Variants in PAPOLG observed in about 807,000 individuals in gnomAD.
PAPOLG encodes poly(A) polymerase gamma.
Under a neutral mutation model 99.0 loss-of-function variants are expected in PAPOLG, and 40 were observed. The observed-to-expected ratio is 0.40, with a 90% CI of 0.31 to 0.53. The LOEUF (loss-of-function observed/expected upper bound fraction) is 0.53. PAPOLG is among the 20% of genes least tolerant of loss of function. The pLI, the probability that PAPOLG is intolerant of heterozygous loss-of-function variation, is 0.41. For missense variants in PAPOLG, 675 were observed against 884.1 expected, an observed-to-expected ratio of 0.76 and a Z score of 3.00; for synonymous variants, 310 against 299.3, an observed-to-expected ratio of 1.04 and a Z score of -0.37.
intron 8 of PAPOLG, among the ~76,000 whole-genome samples, chr2:60,777,853 C>T (rs912079966): frequency 2.0e-5 from 3 of 152,076 alleles, no homozygotes. Flanking sequence ...CCAAGTTCAC[C>T]GTCTTATATG....
At chr2:60,774,197 C>CGATTCTCCTGCCTCAGCCCTT (rs1670943278) in intron 7 of PAPOLG, among the ~76,000 whole-genome samples, 1 of 151,766 alleles carries the variant, frequency 6.6e-6, no homozygotes, top group African/African-American at 2.4e-5. Flanking sequence ...CGGGTTCACG[C>CGATTCTCCTGCCTCAGCCCTT]TGTTGCCCCA....
intron 21 of PAPOLG, 149 bp from the exon 22 acceptor site, chr2:60,796,913 G>A (rs13398594): frequency 0.2 from 192,108 of 955,706 alleles, 20,936 homozygotes; most frequent in African/African-American, 0.3. Context: ...TATGAACACG[G>A]AAGGAAATAT....
chr2:60,793,134 G>C (rs987705751), intron 17 of PAPOLG, among the ~76,000 whole-genome samples: 2 of 150,628 alleles, frequency 1.3e-5, no homozygotes, highest in East Asian at 3.9e-4. Flanking sequence ...GAGCCCGGAA[G>C]GTTGAGGCTG....
intron 18 of PAPOLG, 65 bp from the exon 19 acceptor site, chr2:60,793,906 C>T (rs1671617012): frequency 6.6e-7 from 1 of 1,514,948 alleles, no homozygotes; most frequent in Admixed American, 1.8e-5. Context: ...AATGAGAGAC[C>T]CTGTCTCAAG....
Position 60,797,274 on chromosome 2 carries a change from CT to C in PAPOLG, c.*116del. 7.5e-7 allele frequency: 1 copy of C among 1,332,522 alleles called. No individual in the cohort carries two copies. Among genetic ancestry groups the C allele is most frequent in the Non-Finnish European group, 1.1e-6 (1 of 951,144 alleles). The allele number at this position is 1,332,522 out of a possible 1,614,324, so 82.5% of individuals were successfully genotyped here. On this transcript the variant is annotated 3_prime_UTR_variant, in exon 22 of 22. Transcript: ENST00000238714. The stretch of plus-strand genomic sequence containing the variant: ...CGTGAAATAAGGTGAAAGTGACAGC[CT>C]TCAGTCTAATAACCTTGAAGTGGTT...
intron 3 of PAPOLG, among the ~76,000 whole-genome samples, chr2:60,764,614 C>T (rs1158659083): frequency 7.9e-5 from 12 of 151,476 alleles, no homozygotes; most frequent in African/African-American, 1.9e-4. Context: ...TTGATAGAGA[C>T]GGGGTTTTGC....
At position 60,782,678 on chromosome 2, in the gene PAPOLG, T is replaced by TTTTTTTTA. The variant is rs67779326; in HGVS notation, c.1028-8_1028-7insTTTTTTTA. The TTTTTTTTA allele has an allele frequency of 2.2e-5, 30 of 1,386,270 alleles. No individual in the cohort carries two copies. The highest frequency in any genetic ancestry group is 7.3e-5 in the South Asian group (5 of 68,254). The allele number at this position is 1,386,270 out of a possible 1,614,324, so 85.9% of individuals were successfully genotyped here. On this transcript the variant is annotated splice_polypyrimidine_tract_variant and splice_region_variant and intron_variant, in intron 11 of 21. Transcript: ENST00000238714. The stretch of plus-strand genomic sequence containing the variant: ...CTTTTTTTTTTTTTTTTTTTTTTTT[T>TTTTTTTTA]AATTTAGGTCTTGCAGTCACAGATG...
intron 7 of PAPOLG, among the ~76,000 whole-genome samples, chr2:60,774,190 GT>G (rs908603632): frequency 6.6e-6 from 1 of 151,918 alleles, no homozygotes; most frequent in African/African-American, 2.4e-5. Flanking sequence ...CGCCTCCCGG[GT>G]TCACGCTGTT....
rs1245874282 is a variant in PAPOLG, at chr2:60,799,613, G to GTTTTGTT, written c.*2456_*2462dup. On this transcript the variant is annotated 3_prime_UTR_variant, in exon 22 of 22. Coordinates refer to ENST00000238714, the MANE Select transcript of PAPOLG (RefSeq NM_022894.4). ...GGCACTAAGTACATGTGTTTGTTTT[G>GTTTTGTT]TTTTGTTTTGTTTTGTTTTGTTTTG... 1 of 151,642 alleles carries GTTTTGTT rather than the reference G, an allele frequency of 6.6e-6. No homozygotes were observed. Among genetic ancestry groups the GTTTTGTT allele is most frequent in the Non-Finnish European group, 1.5e-5 (1 of 68,150 alleles). 9.4% of individuals were successfully genotyped at this position (151,642 alleles called of 1,614,324 possible).
rs754677462 is a variant in PAPOLG, at chr2:60,770,438, A to G, written c.439-20A>G. The G allele has an allele frequency of 3.2e-6, 5 of 1,584,076 alleles. No homozygotes were observed. Among genetic ancestry groups the G allele is most frequent in the Non-Finnish European group, 4.3e-6 (5 of 1,164,832 alleles). ...GAAGGGATTACACCTATGTGTTATA[A>G]TTGTTTTCCTTTTTTGTAGGCTGTA... On this transcript the variant is annotated intron_variant, in intron 5 of 21. Transcript: ENST00000238714.
intron 18 of PAPOLG, 60 bp from the exon 19 acceptor site, chr2:60,793,911 C>T (rs1050710791): frequency 3.1e-5 from 48 of 1,534,686 alleles, no homozygotes; most frequent in Middle Eastern, 1.8e-4. Flanking sequence ...GAGACCCTGT[C>T]TCAAGGAAAA....
chr2:60,768,611 G>A, intron 4 of PAPOLG, 60 bp downstream of exon 4: 1 of 1,434,118 alleles, frequency 7.0e-7, no homozygotes, highest in Non-Finnish European at 9.7e-7. Flanking sequence ...TTCATAATTA[G>A]AAAATGTAGG....
intron 10 of PAPOLG, 90 bp downstream of exon 10, chr2:60,780,869 T>A: frequency 9.8e-7 from 1 of 1,025,480 alleles, no homozygotes; most frequent in Non-Finnish European, 1.5e-6. Context: ...GTTCCTCTTG[T>A]CTCTGTTCTT....
Position 60,771,590 on chromosome 2 carries a change from C to G in PAPOLG, c.564C>G (p.Arg188=), listed in dbSNP as rs760981020. The stretch of plus-strand genomic sequence containing the variant: ...ATTTAGATCTAAGAGACGACTCTCG[C>G]CTGAGAAGCCTTGATATAAGGTGTA... ...SDNLDLRDDS[R]LRSLDIRCIR... Residue 188 remains arginine, a synonymous_variant, in exon 7 of 22, where the codon CGC becomes CGG. Coordinates refer to ENST00000238714, the MANE Select transcript of PAPOLG (RefSeq NM_022894.4). 9.9e-6 allele frequency: 16 copies of G among 1,608,252 alleles called. No individual in the cohort carries two copies. Among genetic ancestry groups the G allele is most frequent in the Non-Finnish European group, 1.4e-5 (16 of 1,178,536 alleles).
chr2:60,791,928 A>T (rs1358780717), intron 16 of PAPOLG, 46 bp downstream of exon 16: 1 of 1,585,916 alleles, frequency 6.3e-7, no homozygotes, highest in Admixed American at 1.9e-5. Context: ...ACTCAGACAA[A>T]TGATCTGGGA....
chr2:60,766,472 T>G (rs1197027270), intron 3 of PAPOLG, among the ~76,000 whole-genome samples: 1 of 152,110 alleles, frequency 6.6e-6, no homozygotes, highest in Non-Finnish European at 1.5e-5. Flanking sequence ...GAGACCAGCC[T>G]GGGCAAAAAA....
intron 1 of PAPOLG, among the ~76,000 whole-genome samples, chr2:60,756,817 G>A (rs1238624316): frequency 1.3e-5 from 2 of 152,132 alleles, no homozygotes; most frequent in Admixed American, 1.3e-4. Flanking sequence ...CCCCAGCACT[G>A]TCTGAGCCCG....
chr2:60,762,447 A>G (rs1268619660), intron 3 of PAPOLG, among the ~76,000 whole-genome samples: 1 of 152,034 alleles, frequency 6.6e-6, no homozygotes, highest in Non-Finnish European at 1.5e-5. Context: ...CTCCAAAGAT[A>G]CTAAAATCTG....
intron 8 of PAPOLG, 81 bp downstream of exon 8, chr2:60,775,204 C>T (rs1670980297): frequency 6.9e-7 from 1 of 1,450,354 alleles, no homozygotes; most frequent in South Asian, 1.3e-5. Flanking sequence ...TATAGAAACT[C>T]TGAACCTAAT....
Sources: allele counts gnomAD v4.1 joint callset (sites outside exome capture counted in the v4.1 genomes callset), GRCh38; gene constraint gnomAD v4.1.1; transcripts MANE v1.5; gene names NCBI Gene and HGNC (gene_info 2026-07-23, HGNC 2026-07-21).